Variants in NR3C2 observed in about 807,000 individuals in gnomAD.
The protein encoded by NR3C2 is mineralocorticoid receptor.
A neutral mutation model predicts 86.4 loss-of-function variants in NR3C2; 15 were observed. The ratio of observed to expected loss-of-function variants is 0.17; its 90% CI spans 0.12 to 0.27. The LOEUF (loss-of-function observed/expected upper bound fraction) is 0.27, where lower values mean the gene tolerates loss of function less well. Among genes scored for constraint, NR3C2 ranks in the 10% least tolerant of loss-of-function variants. The pLI is 1.00. For missense variants in NR3C2, 960 were observed against 1,195.6 expected (o/e 0.80, Z 2.91); for synonymous variants, 458 against 450.5 (o/e 1.02, Z -0.21).
At chr4:148,347,698 T>C (rs898067805) in intron 2 of NR3C2, among the ~76,000 whole-genome samples, 13 of 152,144 alleles carry the variant, frequency 8.5e-5, no homozygotes, top group African/African-American at 2.9e-4. Flanking sequence ...CATGCCCCGA[T>C]GGGGCTACAG....
Position 148,436,401 on chromosome 4 carries a change from G to T in NR3C2, c.460C>A (p.Leu154Ile), listed in dbSNP as rs1451491383. 6.2e-6 allele frequency: 10 copies of T among 1,614,212 alleles called. No individual in the cohort carries two copies. The highest frequency in any genetic ancestry group is 1.3e-5 in the African/African-American group (1 of 75,062). The change falls in exon 2 of 9, where the codon CTA becomes ATA. Residue 154 changes from leucine to isoleucine, a missense_variant. Leu to Ile is a conservative substitution (Grantham distance 5). Coordinates refer to ENST00000358102, the MANE Select transcript of NR3C2 (RefSeq NM_000901.5). ...YKGNGHRPST[L>I]SCVNTPLRSF... ...CTCAAGGGCGTGTTCACACAACTTA[G>T]AGTGGAAGGACGATGGCCATTTCCT...
chr4:148,139,253 C>CTCTGAGCAT (rs1195014346), intron 6 of NR3C2, among the ~76,000 whole-genome samples: 2 of 152,100 alleles, frequency 1.3e-5, no homozygotes, highest in Non-Finnish European at 2.9e-5. Context: ...AGCTAAAAAA[C>CTCTGAGCAT]TCTGAGCATT....
At chr4:148,314,820 AATC>A (rs1453006555) in intron 2 of NR3C2, among the ~76,000 whole-genome samples, 10 of 152,234 alleles carry the variant, frequency 6.6e-5, no homozygotes, top group African/African-American at 1.9e-4. Flanking sequence ...ATATCAAAAT[AATC>A]ATAATATCCT....
At chr4:148,321,395 C>G (rs1253268614) in intron 2 of NR3C2, among the ~76,000 whole-genome samples, 1 of 150,230 alleles carries the variant, frequency 6.7e-6, no homozygotes, top group Non-Finnish European at 1.5e-5. Context: ...CTATTAGGTC[C>G]GCTTGGTGCA....
intron 2 of NR3C2, among the ~76,000 whole-genome samples, chr4:148,311,981 G>C (rs1742922770): frequency 6.6e-6 from 1 of 152,228 alleles, no homozygotes; most frequent in South Asian, 2.1e-4. Flanking sequence ...ACTCTCTAAA[G>C]CAGTACTCAT....
At chr4:148,139,477 T>C (rs934591205) in intron 6 of NR3C2, among the ~76,000 whole-genome samples, 5 of 152,190 alleles carry the variant, frequency 3.3e-5, no homozygotes, top group Admixed American at 2.0e-4. Flanking sequence ...TTTTCCACTA[T>C]AGTGCCCAGG....
chr4:148,144,374 A>G (rs1733764061), intron 6 of NR3C2, among the ~76,000 whole-genome samples: 1 of 151,890 alleles, frequency 6.6e-6, no homozygotes, highest in South Asian at 2.1e-4. Flanking sequence ...CTAGCTAATT[A>G]TTTGTAGAGA....
At position 148,278,866 on chromosome 4, in the gene NR3C2, TA is replaced by T. The variant is rs1012095262; in HGVS notation, c.1758-18750del. ...CAAACTACTCACCAATAACCACCCT[TA>T]AAAAAAAAAAAGTGGCTGGGCATGG... On this transcript the variant is annotated intron_variant, in intron 2 of 8. Transcript: ENST00000358102. Among the ~76,000 whole-genome samples the T allele has an allele frequency of 1.5e-3, 222 of 143,768 alleles. 1 individual carries two copies. The highest frequency in any genetic ancestry group is 3.5e-3 in the Middle Eastern group (1 of 282). The allele number at this position is 143,768 out of a possible 152,430, so 94.3% of individuals were successfully genotyped here. A position where few individuals can be genotyped will look rare whatever the true frequency, so the allele number is the denominator to read the frequency against.
At chr4:148,121,548 G>A (rs1463187684) in intron 6 of NR3C2, among the ~76,000 whole-genome samples, 1 of 152,034 alleles carries the variant, frequency 6.6e-6, no homozygotes, top group African/African-American at 2.4e-5. Flanking sequence ...ATTAAAAATG[G>A]CAGAGTTAAG....
chr4:148,079,835 C>G lies in NR3C2; in HGVS notation c.*1509G>C, dbSNP rs1025712161. On this transcript the variant is annotated 3_prime_UTR_variant, in exon 9 of 9. Transcript: ENST00000358102. ...GGTCTCCATGCCATTCAGACTGAAC[C>G]TTGCCAAGATGGGCCGTCCCAGCGC... is the stretch of plus-strand genomic sequence containing the variant. 6.5e-6 allele frequency: 1 copy of G among 152,704 alleles called. No individual in the cohort carries two copies. Among genetic ancestry groups the G allele is most frequent in the East Asian group, 1.9e-4 (1 of 5,190 alleles). 9.5% of individuals were successfully genotyped at this position (152,704 alleles called of 1,614,324 possible). A position where few individuals can be genotyped will look rare whatever the true frequency, so the allele number is the denominator to read the frequency against.
intron 2 of NR3C2, among the ~76,000 whole-genome samples, chr4:148,287,261 C>T (rs1413416972): frequency 1.3e-5 from 2 of 152,188 alleles, no homozygotes; most frequent in African/African-American, 4.8e-5. Flanking sequence ...TCACAAGCCC[C>T]TTATTAAAGC....
chr4:148,357,225 T>C (rs1350941732), intron 2 of NR3C2, among the ~76,000 whole-genome samples: 2 of 152,200 alleles, frequency 1.3e-5, no homozygotes, highest in Non-Finnish European at 2.9e-5. Flanking sequence ...TTTTATTTTA[T>C]AATGAGCTTA....
chr4:148,151,363 T>C (rs538695158), intron 6 of NR3C2, among the ~76,000 whole-genome samples: 8 of 152,366 alleles, frequency 5.3e-5, no homozygotes, highest in African/African-American at 1.9e-4. Flanking sequence ...CAATTGATTA[T>C]TGAGGAATAC....
intron 2 of NR3C2, among the ~76,000 whole-genome samples, chr4:148,298,151 T>C (rs970008619): frequency 1.3e-5 from 2 of 152,192 alleles, no homozygotes; most frequent in Admixed American, 6.5e-5. Flanking sequence ...TGTGGTAGCA[T>C]TCAAAGAAGC....
At chr4:148,395,517 C>T (rs1299273986) in intron 2 of NR3C2, among the ~76,000 whole-genome samples, 1 of 152,142 alleles carries the variant, frequency 6.6e-6, no homozygotes, top group Non-Finnish European at 1.5e-5. Context: ...AGGACTGAAG[C>T]AAATGGCAGA....
chr4:148,086,322 A>G (rs1017087596), intron 8 of NR3C2, among the ~76,000 whole-genome samples: 9 of 152,230 alleles, frequency 5.9e-5, no homozygotes, highest in Admixed American at 1.3e-4. Flanking sequence ...AGCTGGCTCA[A>G]CATACACAAA....
At chr4:148,440,426 T>C (rs72645701) in intron 1 of NR3C2, among the ~76,000 whole-genome samples, 1 of 152,246 alleles carries the variant, frequency 6.6e-6, no homozygotes, top group South Asian at 2.1e-4. Flanking sequence ...AATATGATCC[T>C]CATAGAACTT....
At chr4:148,305,156 C>T (rs983192746) in intron 2 of NR3C2, among the ~76,000 whole-genome samples, 36 of 152,042 alleles carry the variant, frequency 2.4e-4, no homozygotes, top group South Asian at 1.2e-3. Context: ...AACAAAAAAT[C>T]CTGGTACAAA....
chr4:148,144,748 T>C (rs1318366896), intron 6 of NR3C2, among the ~76,000 whole-genome samples: 1 of 152,182 alleles, frequency 6.6e-6, no homozygotes, highest in African/African-American at 2.4e-5. Context: ...GGTGGGAAGA[T>C]GGCCTCTAAA....
Sources: gnomAD v4.1 joint callset for allele counts (sites outside exome capture counted in the v4.1 genomes callset) on GRCh38, gnomAD v4.1.1 for gene constraint, MANE v1.5 for transcripts, NCBI Gene and HGNC (gene_info 2026-07-23, HGNC 2026-07-21) for gene names.